DGKB: variants seen among roughly 807,000 people sequenced by gnomAD.
The protein encoded by DGKB is 90 kDa diacylglycerol kinase.
DGKB carries 67 observed loss-of-function variants against 114.3 expected under a neutral mutation model. That is an observed-to-expected ratio of 0.59 (90% CI 0.48 to 0.72). The LOEUF (loss-of-function observed/expected upper bound fraction) is 0.72. DGKB is among the 30% of genes least tolerant of loss of function. DGKB has a pLI of 0.00. For synonymous variants in DGKB, 398 were observed against 323.1 expected, an observed-to-expected ratio of 1.23 and a Z score of -2.49; for missense variants, 907 against 975.2, an observed-to-expected ratio of 0.93 and a Z score of 0.93.
Position 14,934,546 on chromosome 7 carries a change from A to C in DGKB, c.-188+40150T>G, listed in dbSNP as rs1157441858. Among the ~76,000 whole-genome samples the C allele has an allele frequency of 2.0e-5, 3 of 152,248 alleles. No homozygotes were observed. The East Asian group carries it at 5.8e-4, about 29-fold the overall frequency. On this transcript the variant is annotated intron_variant, in intron 1 of 4. Transcript: ENST00000437998. ...TTCTGAATGTACAAAGTAGACTTCA[A>C]ACTAGAGAAGAGACAAGCAACAAGA...
At chr7:14,335,807 G>A (rs1256812145) in intron 23 of DGKB, among the ~76,000 whole-genome samples, 1 of 152,204 alleles carries the variant, frequency 6.6e-6, no homozygotes, top group East Asian at 1.9e-4. Flanking sequence ...AGGCTGAGGT[G>A]CAGTGGCGCA....
At chr7:14,901,849 T>C (rs1235454766) in intron 1 of DGKB, among the ~76,000 whole-genome samples, 1 of 152,176 alleles carries the variant, frequency 6.6e-6, no homozygotes, top group Non-Finnish European at 1.5e-5. Context: ...GAAGTTGTTT[T>C]ATAAAAGTTT....
At chr7:14,867,031 T>C (rs941864889) in intron 1 of DGKB, among the ~76,000 whole-genome samples, 2 of 152,222 alleles carry the variant, frequency 1.3e-5, no homozygotes, top group African/African-American at 4.8e-5. Context: ...ATATTTTCTT[T>C]GGTTAAGTGT....
intron 25 of DGKB, among the ~76,000 whole-genome samples, chr7:14,174,991 T>C (rs1015323466): frequency 3.3e-5 from 5 of 152,340 alleles, no homozygotes; most frequent in Admixed American, 2.0e-4. Flanking sequence ...TGTTTATGTG[T>C]TATACACAAC....
chr7:14,486,585 C>T (rs1448513865), intron 20 of DGKB, among the ~76,000 whole-genome samples: 1 of 152,146 alleles, frequency 6.6e-6, no homozygotes, highest in Non-Finnish European at 1.5e-5. Context: ...GTGGGGATCT[C>T]AACTGGCCAA....
At chr7:14,709,127 C>T (rs1439617711) in intron 6 of DGKB, among the ~76,000 whole-genome samples, 2 of 150,938 alleles carry the variant, frequency 1.3e-5, no homozygotes, top group South Asian at 2.1e-4. Flanking sequence ...AAGAAAAAAT[C>T]AAACAACCCC....
chr7:14,583,997 G>A (rs554899472), intron 17 of DGKB, among the ~76,000 whole-genome samples: 2 of 152,082 alleles, frequency 1.3e-5, no homozygotes, highest in East Asian at 1.9e-4. Context: ...ATTTTTCTAC[G>A]TACTTACGTA....
At chr7:14,640,369 C>A (rs1199780198) in intron 13 of DGKB, among the ~76,000 whole-genome samples, 1 of 151,920 alleles carries the variant, frequency 6.6e-6, no homozygotes, top group Admixed American at 6.6e-5. Flanking sequence ...AAATGATAAT[C>A]AAAGGAAGTA....
intron 1 of DGKB, among the ~76,000 whole-genome samples, chr7:14,886,469 G>A (rs947599672): frequency 2.6e-5 from 4 of 151,654 alleles, no homozygotes; most frequent in Non-Finnish European, 5.9e-5. Context: ...ACTCCTGCTC[G>A]AACTCTCTCT....
rs566062808 is a variant in DGKB, at chr7:14,794,564, C to T, written c.71-36833G>A. Among the ~76,000 whole-genome samples, 3 of 152,242 alleles carry T rather than the reference C, an allele frequency of 2.0e-5. No individual in the cohort carries two copies. In the South Asian group the frequency reaches 6.2e-4, roughly 32 times the overall value. The stretch of plus-strand genomic sequence containing the variant: ...CCCAGCTCAAGTGCTGCATAAATGA[C>T]TTAGGAGCTTCCATGTATGCCCTGA... On this transcript the variant is annotated intron_variant, in intron 2 of 25. Transcript: ENST00000402815.
At chr7:14,334,540 T>C (rs1810342992) in intron 23 of DGKB, among the ~76,000 whole-genome samples, 1 of 152,076 alleles carries the variant, frequency 6.6e-6, no homozygotes, top group Admixed American at 6.6e-5. Context: ...ATATGACAAA[T>C]ATATTTTTAT....
chr7:14,630,572 T>C lies in DGKB; in HGVS notation c.1135-304A>G, dbSNP rs567384360. Among the ~76,000 whole-genome samples the C allele has an allele frequency of 7.2e-5, 11 of 152,166 alleles. No individual in the cohort carries two copies. In the South Asian group the frequency reaches 2.3e-3, roughly 32 times the overall value. On this transcript the variant is annotated intron_variant, in intron 13 of 25. Transcript: ENST00000402815. ...TAGCTCCAAGTTCCATTCTCTTTAA[T>C]AAATAATTTCCACTAAGTTTTTTTA...
chr7:14,648,553 A>G lies in DGKB; in HGVS notation c.1135-18285T>C, dbSNP rs1013091707. On this transcript the variant is annotated intron_variant, in intron 13 of 25. Transcript: ENST00000402815. ...AACCACAAAGATGGGGAAAAAACAG[A>G]ACAGGAAAACTGGAAACTCTAAAAA... Among the ~76,000 whole-genome samples, 30 of 152,198 alleles carry G rather than the reference A, an allele frequency of 2.0e-4. 1 individual carries two copies. Among genetic ancestry groups the G allele is most frequent in the Admixed American group, 1.1e-3 (17 of 15,284 alleles).
At chr7:14,332,765 G>T (rs530138129) in intron 23 of DGKB, among the ~76,000 whole-genome samples, 4 of 152,228 alleles carry the variant, frequency 2.6e-5, no homozygotes, top group African/African-American at 9.6e-5. Context: ...TCCTTGCTGG[G>T]TTTTGGGAAA....
At chr7:14,699,001 C>A (rs766754315) in intron 7 of DGKB, among the ~76,000 whole-genome samples, 27 of 151,938 alleles carry the variant, frequency 1.8e-4, no homozygotes, top group Non-Finnish European at 2.9e-4. Flanking sequence ...GTATTCTACT[C>A]AAATCTCTAA....
chr7:14,878,921 G>A (rs57675456), intron 1 of DGKB, among the ~76,000 whole-genome samples: 16,271 of 149,370 alleles, frequency 0.11, 1,279 homozygotes, highest in South Asian at 0.31. Flanking sequence ...AAGATCTGCC[G>A]GCCATTCTAC....
intron 13 of DGKB, among the ~76,000 whole-genome samples, chr7:14,630,563 T>C (rs1228979250): frequency 3.3e-5 from 5 of 152,002 alleles, no homozygotes; most frequent in African/African-American, 9.7e-5. Flanking sequence ...CAAGTTCCAT[T>C]CTCTTTAATA....
At chr7:14,293,640 C>T (rs918157511) in intron 23 of DGKB, among the ~76,000 whole-genome samples, 2 of 152,100 alleles carry the variant, frequency 1.3e-5, no homozygotes, top group Non-Finnish European at 2.9e-5. Context: ...TTTTCTGTGT[C>T]TGTGCCTCAT....
chr7:14,489,072 T>C (rs949302315), intron 20 of DGKB, among the ~76,000 whole-genome samples: 1 of 151,928 alleles, frequency 6.6e-6, no homozygotes, highest in African/African-American at 2.4e-5. Flanking sequence ...GACAAGAAAA[T>C]ACTTAACAAA....
Sources: allele counts gnomAD v4.1 joint callset (sites outside exome capture counted in the v4.1 genomes callset), GRCh38; gene constraint gnomAD v4.1.1; transcripts MANE v1.5; gene names NCBI Gene and HGNC (gene_info 2026-07-23, HGNC 2026-07-21).